Variants in PIWIL4 observed in about 807,000 individuals in gnomAD.
PIWIL4 encodes the protein piwi-like protein 4.
Under a neutral mutation model 100.9 loss-of-function variants are expected in PIWIL4, and 50 were observed. The observed-to-expected ratio is 0.50, with a 90% confidence interval of 0.39 to 0.63. The LOEUF (loss-of-function observed/expected upper bound fraction) is 0.63, where lower values mean the gene tolerates loss of function less well. Ranked by LOEUF, PIWIL4 falls within the 20% of genes least tolerant of loss-of-function variation. The pLI, the probability that PIWIL4 is intolerant of heterozygous loss-of-function variation, is 0.00. For synonymous variants in PIWIL4, 342 were observed against 367.5 expected, an observed-to-expected ratio of 0.93 and a Z score of 0.79; for missense variants, 887 against 1,043.3, an observed-to-expected ratio of 0.85 and a Z score of 2.06.
intron 14 of PIWIL4, among the ~76,000 whole-genome samples, chr11:94,608,019 C>T (rs1948743448): frequency 6.6e-6 from 1 of 152,196 alleles, no homozygotes; most frequent in South Asian, 2.1e-4. Flanking sequence ...AACCTCCAAA[C>T]TGTGGTAGGT....
chr11:94,606,557 C>T (rs1300400453), intron 13 of PIWIL4, among the ~76,000 whole-genome samples: 1 of 152,114 alleles, frequency 6.6e-6, no homozygotes, highest in Non-Finnish European at 1.5e-5. Context: ...AGGCCAGGGG[C>T]GGTGGCTCAC....
intron 4 of PIWIL4, among the ~76,000 whole-genome samples, chr11:94,578,425 A>G (rs947559419): frequency 6.6e-6 from 1 of 152,180 alleles, no homozygotes; most frequent in African/African-American, 2.4e-5. Flanking sequence ...TGTTTCTGCT[A>G]TTAATCTTTG....
intron 15 of PIWIL4, among the ~76,000 whole-genome samples, chr11:94,609,492 A>G (rs1948763849): frequency 6.6e-6 from 1 of 152,160 alleles, no homozygotes. Context: ...TCAGGTATGT[A>G]TTTTGGATTG....
intron 14 of PIWIL4, 75 bp downstream of exon 14, chr11:94,607,714 A>G (rs969841143): frequency 2.2e-6 from 3 of 1,395,168 alleles, no homozygotes; most frequent in Non-Finnish European, 2.9e-6. Flanking sequence ...AGATGTTATC[A>G]CATGATCCCA....
Position 94,621,331 on chromosome 11 carries a change from T to G in PIWIL4, c.*339T>G. ...TTGATGACAGATAAACAGAGTCTAA[T>G]TCCCACCCCAAATTTTGCTGAGGTT... On this transcript the variant is annotated 3_prime_UTR_variant, in exon 20 of 20. Transcript: ENST00000299001. 1 of 193,240 alleles carries G rather than the reference T, an allele frequency of 5.2e-6. No homozygotes were observed. Among genetic ancestry groups the G allele is most frequent in the Non-Finnish European group, 1.1e-5 (1 of 94,500 alleles). 12.0% of individuals were successfully genotyped at this position (193,240 alleles called of 1,614,324 possible).
At chr11:94,584,580 ATTAAAATCC>A (rs1480071336) in intron 5 of PIWIL4, among the ~76,000 whole-genome samples, 5 of 152,216 alleles carry the variant, frequency 3.3e-5, no homozygotes, top group Non-Finnish European at 7.3e-5. Flanking sequence ...GGCAAGTGCT[ATTAAAATCC>A]TTATTTTTAA....
intron 8 of PIWIL4, among the ~76,000 whole-genome samples, chr11:94,591,463 A>G (rs1948484544): frequency 6.6e-6 from 1 of 152,234 alleles, no homozygotes; most frequent in Admixed American, 6.5e-5. Context: ...TATTCCTTGG[A>G]GAGCAAGGAT....
chr11:94,620,736 T>C (rs761492560), intron 19 of PIWIL4, 140 bp from the exon 20 acceptor site: 2 of 600,512 alleles, frequency 3.3e-6, no homozygotes, highest in East Asian at 2.8e-5. Flanking sequence ...AGGTTACCTT[T>C]TGTTGGTTGA....
chr11:94,570,828 G>A (rs1948141930), intron 2 of PIWIL4, among the ~76,000 whole-genome samples: 1 of 152,148 alleles, frequency 6.6e-6, no homozygotes, highest in Non-Finnish European at 1.5e-5. Context: ...GGAAGTGGCG[G>A]TTGCAGTAAA....
chr11:94,568,849 T>G, intron 2 of PIWIL4, 41 bp downstream of exon 2: 1 of 1,531,706 alleles, frequency 6.5e-7, no homozygotes, highest in East Asian at 2.3e-5. Flanking sequence ...CCATTCAACC[T>G]GAATGGAGCA....
intron 12 of PIWIL4, among the ~76,000 whole-genome samples, chr11:94,602,763 C>T (rs140496856): frequency 4.8e-4 from 73 of 152,290 alleles, no homozygotes; most frequent in African/African-American, 1.7e-3. Flanking sequence ...TTAATTGCAT[C>T]AGCAGCACAA....
In PIWIL4 at chr11:94,601,817, A is replaced by T; in HGVS notation, c.1403A>T (p.Asp468Val). 1 of 1,613,946 alleles carries T rather than the reference A, an allele frequency of 6.2e-7. No homozygotes were observed. Residue 468 changes from aspartate (D) to valine (V), a missense_variant, in exon 12 of 20, where the codon GAC becomes GTC. By Grantham distance (152) the Asp-to-Val change is radical. Transcript: ENST00000299001. ...CAGTGTCAACCTGTGTCTGCTGCTG[A>T]CTGGTCCAAGGATATTCGAACTTGC... ...DHICQPVSAA[D>V]WSKDIRTCKI...
chr11:94,590,174 C>G (rs1948464148), intron 8 of PIWIL4, among the ~76,000 whole-genome samples: 1 of 152,220 alleles, frequency 6.6e-6, no homozygotes, highest in Non-Finnish European at 1.5e-5. Context: ...CTCCAAGCAC[C>G]TTTTCTGTTC....
In PIWIL4 at chr11:94,619,787, G is replaced by C. The variant is rs771999781; in HGVS notation, c.2196G>C (p.Arg732Ser). ...TSSRLSVIVV[R>S]KKCMPRFFTE... ...CAAGACTGTCGGTGATTGTGGTCAG[G>C]AAGAAGTGCATGCCACGATTCTTTA... Residue 732 changes from arginine (R) to serine (S), a missense_variant, in exon 18 of 20, where the codon AGG becomes AGC. Coordinates refer to ENST00000299001, the MANE Select transcript of PIWIL4 (RefSeq NM_152431.3). The C allele has an allele frequency of 4.3e-6, 7 of 1,613,948 alleles. No homozygotes were observed. In the African/African-American group the frequency reaches 9.3e-5, roughly 22 times the overall value.
intron 12 of PIWIL4, among the ~76,000 whole-genome samples, chr11:94,602,257 T>A (rs1029395764): frequency 2.6e-5 from 4 of 152,236 alleles, no homozygotes; most frequent in African/African-American, 9.6e-5. Context: ...AAATCTTTAA[T>A]AAGTCCATAT....
intron 3 of PIWIL4, among the ~76,000 whole-genome samples, chr11:94,576,909 G>A (rs1948245531): frequency 6.6e-6 from 1 of 152,210 alleles, no homozygotes; most frequent in African/African-American, 2.4e-5. Flanking sequence ...TATGAGAGCA[G>A]TATAATTTCA....
chr11:94,567,683 T>C, intron 1 of PIWIL4, 78 bp downstream of exon 1: 1 of 1,419,028 alleles, frequency 7.0e-7, no homozygotes, highest in Non-Finnish European at 9.4e-7. Context: ...TTCCTCTGCA[T>C]GTATCTCCTC....
chr11:94,578,002 A>G (rs963372362), intron 4 of PIWIL4, among the ~76,000 whole-genome samples: 8 of 152,164 alleles, frequency 5.3e-5, no homozygotes, highest in African/African-American at 1.9e-4. Context: ...AAAGTTTCTC[A>G]AAACACTTTC....
chr11:94,595,941 G>A (rs1193120393), intron 10 of PIWIL4, among the ~76,000 whole-genome samples: 1 of 152,108 alleles, frequency 6.6e-6, no homozygotes, highest in East Asian at 1.9e-4. Flanking sequence ...ATTTATGACA[G>A]TTTGCTATAA....
Sources: gnomAD v4.1 joint callset for allele counts (sites outside exome capture counted in the v4.1 genomes callset) on GRCh38, gnomAD v4.1.1 for gene constraint, MANE v1.5 for transcripts, NCBI Gene and HGNC (gene_info 2026-07-23, HGNC 2026-07-21) for gene names.